Variants in OSBPL8 observed in about 807,000 individuals in gnomAD.
OSBPL8 encodes oxysterol binding protein like 8, also known as oxysterol-binding protein-related protein 8.
A neutral mutation model predicts 125.5 loss-of-function variants in OSBPL8; 59 were observed. That is an observed-to-expected ratio of 0.47 (90% CI 0.38 to 0.58). OSBPL8 has a LOEUF of 0.58. Among genes scored for constraint, OSBPL8 ranks in the 20% least tolerant of loss-of-function variants. OSBPL8 has a pLI of 0.00. For synonymous variants in OSBPL8, 330 were observed against 338.9 expected, an observed-to-expected ratio of 0.97 and a Z score of 0.29; for missense variants, 758 against 1,047.8, an observed-to-expected ratio of 0.72 and a Z score of 3.82.
chr12:76,408,240 T>C (rs1427337017), intron 5 of OSBPL8, among the ~76,000 whole-genome samples: 2 of 150,052 alleles, frequency 1.3e-5, no homozygotes, highest in Non-Finnish European at 1.5e-5. Flanking sequence ...GGCGGGCAGA[T>C]TACAAGGTCA....
chr12:76,477,837 G>T (rs1876996207), intron 2 of OSBPL8, among the ~76,000 whole-genome samples: 1 of 151,302 alleles, frequency 6.6e-6, no homozygotes, highest in African/African-American at 2.4e-5. Flanking sequence ...ACCTAATACT[G>T]TTCTAAAACA....
intron 2 of OSBPL8, among the ~76,000 whole-genome samples, chr12:76,472,513 T>C (rs1430717217): frequency 1.3e-5 from 2 of 151,572 alleles, no homozygotes; most frequent in East Asian, 2.0e-4. Flanking sequence ...CGGAGACTGG[T>C]AGTGGCCCCG....
chr12:76,435,124 G>A (rs1871290247), intron 4 of OSBPL8, among the ~76,000 whole-genome samples: 1 of 151,494 alleles, frequency 6.6e-6, no homozygotes, highest in Non-Finnish European at 1.5e-5. Context: ...TGCAGAGAAT[G>A]GATAAACTGA....
At chr12:76,474,292 C>G (rs1876530789) in intron 2 of OSBPL8, among the ~76,000 whole-genome samples, 1 of 152,130 alleles carries the variant, frequency 6.6e-6, no homozygotes, top group African/African-American at 2.4e-5. Flanking sequence ...ATCCATACCT[C>G]AACTTAGTAG....
At chr12:76,540,487 CGT>C (rs59101769) in intron 1 of OSBPL8, among the ~76,000 whole-genome samples, 72,036 of 141,460 alleles carry the variant, frequency 0.51, 18,502 homozygotes, top group East Asian at 0.73. Context: ...ATTATATAGT[CGT>C]GTGTGTGTGT....
chr12:76,464,694 A>T (rs1875183198), intron 2 of OSBPL8, among the ~76,000 whole-genome samples: 1 of 152,152 alleles, frequency 6.6e-6, no homozygotes, highest in South Asian at 2.1e-4. Flanking sequence ...ATCCCACGCA[A>T]TCTATAGTTT....
chr12:76,361,940 A>G (rs1168362739), intron 21 of OSBPL8, among the ~76,000 whole-genome samples: 1 of 152,236 alleles, frequency 6.6e-6, no homozygotes, highest in Admixed American at 6.5e-5. Flanking sequence ...TTGGAAAAAC[A>G]GAGAACCAGT....
intron 4 of OSBPL8, among the ~76,000 whole-genome samples, chr12:76,430,518 A>T (rs756464985): frequency 6.6e-6 from 1 of 152,248 alleles, no homozygotes; most frequent in Non-Finnish European, 1.5e-5. Flanking sequence ...GGACATCACC[A>T]AAAGAGGCAA....
intron 4 of OSBPL8, among the ~76,000 whole-genome samples, chr12:76,449,618 A>C (rs186509222): frequency 5.3e-5 from 8 of 152,338 alleles, no homozygotes; most frequent in African/African-American, 1.7e-4. Flanking sequence ...TTGATGAAGA[A>C]GTAAAAATTA....
At position 76,353,304 on chromosome 12, in the gene OSBPL8, T is replaced by G. The variant is rs10777951; in HGVS notation, c.*2585A>C. On this transcript the variant is annotated 3_prime_UTR_variant, in exon 24 of 24. Transcript: ENST00000261183. The stretch of plus-strand genomic sequence containing the variant: ...ACATGCCCTATTTATTGTTGTTGTT[T>G]TTTTTTTTTTTTTACATGTCCTGGG... 1,038 of 131,824 alleles carry G rather than the reference T, an allele frequency of 7.9e-3. 5 individuals are homozygous for G. The highest frequency in any genetic ancestry group is 0.039 in the Middle Eastern group (10 of 254). 8.2% of individuals were successfully genotyped at this position (131,824 alleles called of 1,614,324 possible).
rs1307077982 is a variant in OSBPL8, at chr12:76,351,906, G to A, written c.*3983C>T. On this transcript the variant is annotated 3_prime_UTR_variant, in exon 24 of 24. Transcript: ENST00000261183. ...TCTGCAAACAGTTATAATAGGTTAGGAATAATAGATTAGAAATGTACTACA... is the reference window on the plus strand; with the variant it reads ...TCTGCAAACAGTTATAATAGGTTAGAAATAATAGATTAGAAATGTACTACA... 3 of 152,108 alleles carry A rather than the reference G, an allele frequency of 2.0e-5. No individual in the cohort carries two copies. In the East Asian group the frequency reaches 5.8e-4, roughly 29 times the overall value. The allele number at this position is 152,108 out of a possible 1,614,324, so 9.4% of individuals were successfully genotyped here.
At chr12:76,533,616 T>C (rs1435649105) in intron 1 of OSBPL8, among the ~76,000 whole-genome samples, 2 of 152,152 alleles carry the variant, frequency 1.3e-5, no homozygotes, top group African/African-American at 2.4e-5. Context: ...TCAGTCTATA[T>C]CAACAACTTA....
Position 76,369,664 on chromosome 12 carries a change from G to T in OSBPL8, c.2213C>A (p.Thr738Lys). ...TGCAAACTTGTAATGCCATTCTCCTGTGAGTGGATCAAGTTCAAATAATTT... is the reference window on the plus strand; with the variant it reads ...TGCAAACTTGTAATGCCATTCTCCTTTGAGTGGATCAAGTTCAAATAATTT... ...SCKLFELDPL[T>K]GEWHYKFADT... The change falls in exon 20 of 24, where the codon ACA becomes AAA. Residue 738 changes from threonine (T) to lysine (K), a missense_variant. Around this residue, in one of 3 missense-constraint regions of OSBPL8, gnomAD observed 572 missense variants for 762.0 expected, o/e 0.75. Transcript: ENST00000261183. The T allele has an allele frequency of 6.2e-7, 1 of 1,613,554 alleles. No individual in the cohort carries two copies. Among genetic ancestry groups the T allele is most frequent in the African/African-American group, 1.3e-5 (1 of 74,970 alleles).
At chr12:76,473,402 T>C (rs1876414089) in intron 2 of OSBPL8, among the ~76,000 whole-genome samples, 2 of 152,170 alleles carry the variant, frequency 1.3e-5, no homozygotes, top group Admixed American at 6.6e-5. Context: ...TTTAATTGCC[T>C]TTTATCTAGA....
Position 76,378,532 on chromosome 12 carries a change from A to G in OSBPL8, c.1649T>C (p.Ile550Thr). ...AGTTAACCGTGCTTCTCCCTCTAATATTGCAGATAATGAGTTTCCTGAAAT... is the reference window on the plus strand; with the variant it reads ...AGTTAACCGTGCTTCTCCCTCTAATGTTGCAGATAATGAGTTTCCTGAAAT... The part of the protein sequence containing the change: ...SKFYGNSLSA[I>T]LEGEARLTFL... The change falls in exon 16 of 24, where the codon ATA (isoleucine) becomes ACA (threonine). Residue 550 changes from isoleucine (I) to threonine (T), a missense_variant. Ile to Thr is a moderately conservative substitution (Grantham distance 89). Transcript: ENST00000261183. 1 of 1,597,204 alleles carries G rather than the reference A, an allele frequency of 6.3e-7. No individual in the cohort carries two copies. The highest frequency in any genetic ancestry group is 1.1e-5 in the South Asian group (1 of 89,152).
intron 1 of OSBPL8, among the ~76,000 whole-genome samples, chr12:76,504,409 T>G (rs1592806756): frequency 6.6e-6 from 1 of 152,328 alleles, no homozygotes; most frequent in African/African-American, 2.4e-5. Flanking sequence ...GGAAACTACA[T>G]TTTGCAAATG....
chr12:76,390,613 T>C lies in OSBPL8; in HGVS notation c.974A>G (p.Asp325Gly). Residue 325 changes from aspartate (D) to glycine (G), a missense_variant, in exon 11 of 24, where the codon GAT becomes GGT. By Grantham distance (94) the Asp-to-Gly change is moderately conservative. This residue lies in a region of OSBPL8 where 572 missense variants were observed against 762.0 expected (regional missense o/e 0.75). Transcript: ENST00000261183. ...EIERQHFKDQ[D>G]MYSDKSDKEN... ...TTTATCAGATTTATCAGAATACATA[T>C]CTTGGTCCTTAAAATGTTGTCGTTC... 6.2e-7 allele frequency: 1 copy of C among 1,613,578 alleles called. No individual in the cohort carries two copies. Among genetic ancestry groups the C allele is most frequent in the African/African-American group, 1.3e-5 (1 of 75,040 alleles).
intron 4 of OSBPL8, among the ~76,000 whole-genome samples, chr12:76,431,306 A>C (rs1398393565): frequency 1.3e-5 from 2 of 148,932 alleles, no homozygotes; most frequent in South Asian, 2.1e-4. Context: ...AAAAAAAAAC[A>C]CACAAAAAAC....
chr12:76,364,061 A>C (rs1046417199), intron 21 of OSBPL8, among the ~76,000 whole-genome samples: 2 of 152,192 alleles, frequency 1.3e-5, no homozygotes, highest in African/African-American at 4.8e-5. Context: ...TGGGAGGGTA[A>C]ATTAGTTCAA....
Sources: allele counts gnomAD v4.1 joint callset (sites outside exome capture counted in the v4.1 genomes callset), GRCh38; gene constraint gnomAD v4.1.1; regional missense constraint gnomAD v4.1.1; transcripts MANE v1.5; gene names NCBI Gene and HGNC (gene_info 2026-07-23, HGNC 2026-07-21).